L3MBTL4: variants seen among roughly 807,000 people sequenced by gnomAD.
L3MBTL4 encodes the protein lethal(3)malignant brain tumor-like protein 4.
In L3MBTL4, 70 loss-of-function variants were observed where a neutral mutation model predicts 84.5. That is an observed-to-expected ratio of 0.83 (90% confidence interval 0.68 to 1.01). The LOEUF (loss-of-function observed/expected upper bound fraction) is 1.01, where lower values mean the gene tolerates loss of function less well. L3MBTL4 is among the 50% of genes least tolerant of loss of function. The pLI is 0.00. For synonymous variants in L3MBTL4, 274 were observed against 259.8 expected, an observed-to-expected ratio of 1.05 and a Z score of -0.52; for missense variants, 715 against 754.8, an observed-to-expected ratio of 0.95 and a Z score of 0.62.
At chr18:6,379,203 T>A (rs2054497918) in intron 1 of L3MBTL4, among the ~76,000 whole-genome samples, 1 of 152,230 alleles carries the variant, frequency 6.6e-6, no homozygotes, top group Non-Finnish European at 1.5e-5. Context: ...CTTATCAGCT[T>A]AAGGAGATTT....
At chr18:6,254,883 T>G (rs1468895724) in intron 5 of L3MBTL4, among the ~76,000 whole-genome samples, 1 of 152,138 alleles carries the variant, frequency 6.6e-6, no homozygotes, top group East Asian at 1.9e-4. Flanking sequence ...ACAAAGCACG[T>G]ACCGGAGCAG....
At chr18:6,161,036 A>G (rs562293820) in intron 13 of L3MBTL4, among the ~76,000 whole-genome samples, 10 of 152,242 alleles carry the variant, frequency 6.6e-5, no homozygotes, top group Admixed American at 5.2e-4. Flanking sequence ...CAGAGCAGGC[A>G]TGGTTTTTAG....
chr18:6,274,379 G>A (rs923355730), intron 4 of L3MBTL4, among the ~76,000 whole-genome samples: 1 of 152,154 alleles, frequency 6.6e-6, no homozygotes, highest in Admixed American at 6.5e-5. Flanking sequence ...AGTTGCAGGT[G>A]GCCCTACAGA....
chr18:6,268,982 G>A (rs2048751929), intron 4 of L3MBTL4, among the ~76,000 whole-genome samples: 1 of 152,158 alleles, frequency 6.6e-6, no homozygotes, highest in African/African-American at 2.4e-5. Flanking sequence ...AACTCTGTAT[G>A]TAAACAAAAT....
chr18:6,345,416 AC>A (rs1440351888), intron 1 of L3MBTL4, among the ~76,000 whole-genome samples: 30 of 151,616 alleles, frequency 2.0e-4, no homozygotes, highest in Middle Eastern at 3.4e-3. Context: ...AAACAAACAA[AC>A]AAACAAAAAA....
At chr18:6,144,972 A>C (rs1049702519) in intron 13 of L3MBTL4, among the ~76,000 whole-genome samples, 3 of 152,250 alleles carry the variant, frequency 2.0e-5, no homozygotes, top group Non-Finnish European at 4.4e-5. Flanking sequence ...CTGTCATGCA[A>C]GAATGATATC....
At chr18:6,270,830 A>G (rs1021188815) in intron 4 of L3MBTL4, among the ~76,000 whole-genome samples, 1 of 152,164 alleles carries the variant, frequency 6.6e-6, no homozygotes, top group Non-Finnish European at 1.5e-5. Flanking sequence ...TTTGGTCTTT[A>G]ATCTTATGGT....
intron 4 of L3MBTL4, among the ~76,000 whole-genome samples, chr18:6,269,800 A>G (rs77602805): frequency 0.012 from 1,798 of 152,368 alleles, 13 homozygotes; most frequent in Non-Finnish European, 0.019. Context: ...TAAGGCAATG[A>G]GATTCGTGAA....
At chr18:6,155,842 G>A (rs2043080471) in intron 13 of L3MBTL4, among the ~76,000 whole-genome samples, 1 of 151,996 alleles carries the variant, frequency 6.6e-6, no homozygotes, top group Non-Finnish European at 1.5e-5. Flanking sequence ...TCTTTATACA[G>A]CTCTCTTTCA....
At chr18:6,083,277 CAA>C (rs1276496549) in intron 15 of L3MBTL4, among the ~76,000 whole-genome samples, 3 of 152,244 alleles carry the variant, frequency 2.0e-5, no homozygotes, top group Middle Eastern at 6.8e-3. Context: ...GATGGGTTTC[CAA>C]AAGTCTCGAG....
chr18:6,173,897 G>A (rs1019551982), intron 12 of L3MBTL4, among the ~76,000 whole-genome samples: 1 of 152,106 alleles, frequency 6.6e-6, no homozygotes, highest in African/African-American at 2.4e-5. Context: ...AGCTGATACG[G>A]GGCTGAGAAT....
chr18:6,284,134 T>C (rs2049449901), intron 4 of L3MBTL4, among the ~76,000 whole-genome samples: 1 of 152,196 alleles, frequency 6.6e-6, no homozygotes, highest in Non-Finnish European at 1.5e-5. Context: ...TATCATTCAA[T>C]TATGCATACG....
intron 4 of L3MBTL4, among the ~76,000 whole-genome samples, chr18:6,294,432 A>G (rs989969288): frequency 6.6e-6 from 1 of 152,212 alleles, no homozygotes; most frequent in Non-Finnish European, 1.5e-5. Flanking sequence ...GCAGAAGGTA[A>G]TTATGCTGAG....
intron 14 of L3MBTL4, among the ~76,000 whole-genome samples, chr18:6,129,368 CTGTGTGTGTGTGTGTGTGTG>C (rs772735191): frequency 7.2e-6 from 1 of 138,226 alleles, no homozygotes. Flanking sequence ...GGAATTCTCT[CTGTGTGTGTGTGTGTGTGTG>C]TGTGTGTGTG....
intron 5 of L3MBTL4, among the ~76,000 whole-genome samples, chr18:6,247,559 A>G (rs1599326971): frequency 7.0e-6 from 1 of 142,132 alleles, no homozygotes; most frequent in African/African-American, 2.7e-5. Context: ...GCTCACTGCA[A>G]CCTCCGGCTC....
intron 12 of L3MBTL4, among the ~76,000 whole-genome samples, chr18:6,187,524 T>C (rs1484979450): frequency 6.6e-6 from 1 of 152,206 alleles, no homozygotes; most frequent in Non-Finnish European, 1.5e-5. Context: ...AGATTTTGCT[T>C]AAAACTGTGT....
At chr18:6,139,361 T>G (rs1568186094) in intron 13 of L3MBTL4, among the ~76,000 whole-genome samples, 1 of 152,066 alleles carries the variant, frequency 6.6e-6, no homozygotes, top group Non-Finnish European at 1.5e-5. Flanking sequence ...TGCATTGCAA[T>G]GCACTGTACT....
In L3MBTL4 at chr18:6,373,329, T is replaced by A. The variant is rs183778617; in HGVS notation, c.-91+41472A>T. Reference sequence around the variant, plus strand: ...CCAAAGGGCAGTCAAAAGGCTGAGGTTTCAGCTACCCTATGCATGCTCTCC... The same window carrying A: ...CCAAAGGGCAGTCAAAAGGCTGAGGATTCAGCTACCCTATGCATGCTCTCC... On this transcript the variant is annotated intron_variant, in intron 1 of 18. Transcript: ENST00000317931. 2.1e-3 allele frequency among the ~76,000 whole-genome samples: 324 copies of A among 152,228 alleles called. 3 individuals carry two copies. Among genetic ancestry groups the A allele is most frequent in the Middle Eastern group, 3.4e-3 (1 of 294 alleles).
At chr18:6,021,918 G>A (rs911710013) in intron 16 of L3MBTL4, among the ~76,000 whole-genome samples, 2 of 152,104 alleles carry the variant, frequency 1.3e-5, no homozygotes, top group African/African-American at 2.4e-5. Context: ...TGTGCTGAGC[G>A]CTGCTGGGAC....
Sources: allele counts gnomAD v4.1 joint callset (sites outside exome capture counted in the v4.1 genomes callset), GRCh38; gene constraint gnomAD v4.1.1; transcripts MANE v1.5; gene names NCBI Gene and HGNC (gene_info 2026-07-23, HGNC 2026-07-21).